DLGAP1: variants seen among roughly 807,000 people sequenced by gnomAD.
DLGAP1 encodes disks large-associated protein 1.
In DLGAP1, 11 loss-of-function variants were observed where a neutral mutation model predicts 90.8. That is an observed-to-expected ratio of 0.12 (90% CI 0.08 to 0.20). The LOEUF (loss-of-function observed/expected upper bound fraction) is 0.20. Ranked by LOEUF, DLGAP1 falls within the 10% of genes least tolerant of loss-of-function variation. DLGAP1 has a pLI of 1.00. For missense variants in DLGAP1, 1,050 were observed against 1,333.8 expected (o/e 0.79, Z 3.31); for synonymous variants, 558 against 540.7 (o/e 1.03, Z -0.44).
intron 5 of DLGAP1, among the ~76,000 whole-genome samples, chr18:3,773,613 AG>A (rs1345230771): frequency 6.6e-6 from 1 of 152,238 alleles, no homozygotes; most frequent in Non-Finnish European, 1.5e-5. Flanking sequence ...TGGCAGAGCA[AG>A]TTCTGGTGTA....
chr18:4,400,544 G>A (rs1355047700), intron 1 of DLGAP1, among the ~76,000 whole-genome samples: 1 of 152,020 alleles, frequency 6.6e-6, no homozygotes, highest in Non-Finnish European at 1.5e-5. Flanking sequence ...GTCACTAAGT[G>A]TAAAGGACAT....
chr18:3,502,284 A>G (rs915487719), intron 12 of DLGAP1: 5 of 1,340,586 alleles, frequency 3.7e-6, no homozygotes, highest in Non-Finnish European at 2.9e-6. Context: ...ATTCACAAAG[A>G]CAGGTTTTTC....
intron 7 of DLGAP1, among the ~76,000 whole-genome samples, chr18:3,666,931 A>G (rs1028853647): frequency 6.6e-6 from 1 of 151,592 alleles, no homozygotes; most frequent in Non-Finnish European, 1.5e-5. Context: ...TAATTTTCTT[A>G]TTTTTAAATT....
At chr18:4,356,461 A>G (rs933212919) in intron 1 of DLGAP1, among the ~76,000 whole-genome samples, 1 of 152,078 alleles carries the variant, frequency 6.6e-6, no homozygotes, top group Non-Finnish European at 1.5e-5. Context: ...GTTTTTTCCT[A>G]TGTCAACAAT....
intron 8 of DLGAP1, among the ~76,000 whole-genome samples, chr18:3,573,524 C>A (rs938682471): frequency 3.9e-5 from 6 of 151,902 alleles, no homozygotes; most frequent in Admixed American, 2.6e-4. Context: ...GAGTCTTGAT[C>A]TTTTTTGTAA....
At chr18:4,113,601 G>A (rs1446618662) in intron 2 of DLGAP1, among the ~76,000 whole-genome samples, 7 of 152,034 alleles carry the variant, frequency 4.6e-5, no homozygotes, top group Non-Finnish European at 8.8e-5. Flanking sequence ...TTGTATGGCT[G>A]TACAGAAACT....
rs546099909 is a variant in DLGAP1 at position 4,176,553 on chromosome 18, C to A, written c.-266-25266G>T. 2.0e-5 allele frequency among the ~76,000 whole-genome samples: 3 copies of A among 152,292 alleles called. No individual in the cohort carries two copies. The East Asian group carries it at 5.8e-4, about 29-fold the overall frequency. On this transcript the variant is annotated intron_variant, in intron 1 of 12. Coordinates refer to ENST00000315677, the MANE Select transcript of DLGAP1 (RefSeq NM_004746.4). The stretch of plus-strand genomic sequence containing the variant: ...GCCTTCTTCATTTCCACTGGTCTTA[C>A]CCTTATTCAGATCTTTCTTATAATC...
At chr18:4,209,000 A>C (rs1433575437) in intron 1 of DLGAP1, among the ~76,000 whole-genome samples, 1 of 152,198 alleles carries the variant, frequency 6.6e-6, no homozygotes, top group Non-Finnish European at 1.5e-5. Flanking sequence ...GTAGTGGGAA[A>C]AGAAGTAAAT....
chr18:4,321,997 C>T (rs1038729367), intron 1 of DLGAP1, among the ~76,000 whole-genome samples: 3 of 151,854 alleles, frequency 2.0e-5, no homozygotes, highest in Non-Finnish European at 4.4e-5. Context: ...CTCAGGAGTT[C>T]GAGACCAGCC....
chr18:3,553,835 C>T (rs1478739807), intron 9 of DLGAP1, among the ~76,000 whole-genome samples: 2 of 152,062 alleles, frequency 1.3e-5, no homozygotes, highest in Non-Finnish European at 2.9e-5. Context: ...GCCCGGCCCA[C>T]ACATAGTTTT....
At chr18:4,249,094 T>C (rs768159165) in intron 1 of DLGAP1, among the ~76,000 whole-genome samples, 4 of 152,188 alleles carry the variant, frequency 2.6e-5, no homozygotes, top group Admixed American at 1.3e-4. Flanking sequence ...GGCACTCCCC[T>C]CCCTTTCCCT....
chr18:3,665,699 A>G (rs1455127071), intron 7 of DLGAP1, among the ~76,000 whole-genome samples: 2 of 152,230 alleles, frequency 1.3e-5, no homozygotes, highest in African/African-American at 4.8e-5. Flanking sequence ...CCATTTCTGC[A>G]TAATATTCTT....
Position 3,560,618 on chromosome 18 carries a change from T to C in DLGAP1, c.2057+6872A>G, listed in dbSNP as rs1284385246. Among the ~76,000 whole-genome samples, 4 of 149,742 alleles carry C rather than the reference T, an allele frequency of 2.7e-5. 1 individual carries two copies. Among genetic ancestry groups the C allele is most frequent in the Non-Finnish European group, 5.9e-5 (4 of 67,886 alleles). On this transcript the variant is annotated intron_variant, in intron 9 of 12. Transcript: ENST00000315677. ...AAAAAAAAAAAAAAAAGCATGTTTATGTAAAATTAAATGAGCACTGGCAGC... is the reference window on the plus strand; with the variant it reads ...AAAAAAAAAAAAAAAAGCATGTTTACGTAAAATTAAATGAGCACTGGCAGC...
chr18:3,650,955 A>G (rs747067847), intron 7 of DLGAP1, among the ~76,000 whole-genome samples: 9 of 151,750 alleles, frequency 5.9e-5, no homozygotes, highest in Non-Finnish European at 1.0e-4. Context: ...AATCCCAGCT[A>G]TTCGGGAGGC....
chr18:4,375,536 G>A (rs184770193), intron 1 of DLGAP1, among the ~76,000 whole-genome samples: 1 of 152,220 alleles, frequency 6.6e-6, no homozygotes, highest in East Asian at 1.9e-4. Flanking sequence ...CAACCAACCT[G>A]AGACCAAAGC....
chr18:3,773,360 A>C (rs1015558459), intron 5 of DLGAP1, among the ~76,000 whole-genome samples: 5 of 152,200 alleles, frequency 3.3e-5, no homozygotes, highest in African/African-American at 9.7e-5. Flanking sequence ...AGCATAACAC[A>C]GTGTTTTGTA....
chr18:4,133,581 G>A (rs1182595756), intron 2 of DLGAP1, among the ~76,000 whole-genome samples: 1 of 152,126 alleles, frequency 6.6e-6, no homozygotes, highest in Admixed American at 6.6e-5. Flanking sequence ...AAGGGCTCTG[G>A]TTTTGGAGTT....
chr18:3,551,829 A>T (rs1278209645), intron 9 of DLGAP1, among the ~76,000 whole-genome samples: 4 of 147,586 alleles, frequency 2.7e-5, no homozygotes, highest in Non-Finnish European at 4.5e-5. Context: ...CCCAGGCTGG[A>T]GTGCAGTGGC....
intron 4 of DLGAP1, among the ~76,000 whole-genome samples, chr18:3,821,440 T>TA (rs34614137): frequency 0.83 from 125,515 of 151,396 alleles, 52,545 homozygotes; most frequent in South Asian, 0.89. Flanking sequence ...ACCAATAAAC[T>TA]AAAAAAAAGA....
Sources: allele counts gnomAD v4.1 joint callset (sites outside exome capture counted in the v4.1 genomes callset), GRCh38; gene constraint gnomAD v4.1.1; transcripts MANE v1.5; gene names NCBI Gene and HGNC (gene_info 2026-07-23, HGNC 2026-07-21).